Variants in CORO6 observed in about 807,000 individuals in gnomAD.
The protein encoded by CORO6 is coronin-6.
CORO6 carries 43 observed loss-of-function variants against 49.0 expected under a neutral mutation model. The ratio of observed to expected loss-of-function variants is 0.88; its 90% CI spans 0.69 to 1.13. The LOEUF is 1.13. Among genes scored for constraint, CORO6 ranks in the 50% most tolerant of loss-of-function variants. The pLI is 0.00. For missense variants in CORO6, 650 were observed against 647.0 expected (o/e 1.00, Z -0.05); for synonymous variants, 233 against 256.5 (o/e 0.91, Z 0.88).
chr17:29,616,182 G>A lies in CORO6; in HGVS notation c.1063-7C>T. 6.2e-7 allele frequency: 1 copy of A among 1,612,054 alleles called. No individual in the cohort carries two copies. The highest frequency in any genetic ancestry group is 8.5e-7 in the Non-Finnish European group (1 of 1,178,688). ...CGTCCTGGAAGAGGTCTGACTGCGG[G>A]GGTGGGTGGACAGGAGGACTTGCGT... On this transcript the variant is annotated splice_polypyrimidine_tract_variant and splice_region_variant and intron_variant, in intron 9 of 10. Transcript: ENST00000388767. This position sits in a 1 kb window ranked among gnomAD's most constrained non-coding sequence, Gnocchi z 5.6.
intron 6 of CORO6, 38 bp from the exon 7 acceptor site, chr17:29,617,080 C>T (rs747131416): frequency 2.5e-6 from 4 of 1,601,658 alleles, no homozygotes; most frequent in Middle Eastern, 1.7e-4. Context: ...CCCTGCCCCA[C>T]CCTCCCGTGC....
chr17:29,618,653 GA>G (rs1389227013), intron 5 of CORO6, 136 bp downstream of exon 5: 120 of 1,430,538 alleles, frequency 8.4e-5, no homozygotes, highest in Non-Finnish European at 5.6e-5. Flanking sequence ...AGAGACGGGG[GA>G]AGGGGGCTAG....
intron 3 of CORO6, among the ~76,000 whole-genome samples, 193 bp from the exon 4 acceptor site, chr17:29,619,382 G>A (rs1806410572): frequency 6.6e-6 from 1 of 152,072 alleles, no homozygotes; most frequent in South Asian, 2.1e-4. Flanking sequence ...GCTCTCCAGA[G>A]ACCTCCCATT....
At position 29,615,946 on chromosome 17, in the gene CORO6, G is replaced by C; in HGVS notation, c.1292C>G (p.Ser431Trp). The change falls in exon 10 of 11, where the codon TCG becomes TGG. Residue 431 changes from serine to tryptophan, a missense_variant and splice_region_variant. Coordinates refer to ENST00000388767, the MANE Select transcript of CORO6 (RefSeq NM_032854.4). Reference protein sequence around the residue: ...RSQSASDAPLSQQHTLETLLE... With the variant: ...RSQSASDAPLWQQHTLETLLE... ...AGAGTGCAGCAGGGCCGATCTTACCGACAAGGGGGCGTCGCTGGCCGACTG... is the reference window on the plus strand; with the variant it reads ...AGAGTGCAGCAGGGCCGATCTTACCCACAAGGGGGCGTCGCTGGCCGACTG... 1 of 1,579,826 alleles carries C rather than the reference G, an allele frequency of 6.3e-7. No individual in the cohort carries two copies. The highest frequency in any genetic ancestry group is 8.6e-7 in the Non-Finnish European group (1 of 1,161,494).
intron 6 of CORO6, 185 bp downstream of exon 6, chr17:29,617,315 A>G: frequency 6.5e-7 from 1 of 1,527,226 alleles, no homozygotes; most frequent in Non-Finnish European, 8.7e-7. Flanking sequence ...GCGCCAGCGC[A>G]GGATCCTTCA....
intron 3 of CORO6, 100 bp from the exon 4 acceptor site, chr17:29,619,289 GTGGTA>G (rs2035184073): frequency 1.8e-5 from 26 of 1,415,160 alleles, no homozygotes; most frequent in Non-Finnish European, 2.5e-5. Flanking sequence ...GCTCTCTTGA[GTGGTA>G]AGGGTCAAAT....
At chr17:29,619,551 A>T in intron 3 of CORO6, 100 bp downstream of exon 3, 1 of 1,204,500 alleles carries the variant, frequency 8.3e-7, no homozygotes, top group Non-Finnish European at 1.2e-6. Flanking sequence ...GGGACCCAGC[A>T]CCTCCCTTAT....
Position 29,616,386 on chromosome 17 carries a change from T to A in CORO6, c.1005-50A>T. 1.9e-6 allele frequency: 3 copies of A among 1,549,442 alleles called. 1 individual carries two copies. In the South Asian group the frequency reaches 3.5e-5, roughly 18 times the overall value. On this transcript the variant is annotated intron_variant, in intron 8 of 10. Transcript: ENST00000388767. This position sits in a 1 kb window ranked among gnomAD's most constrained non-coding sequence, Gnocchi z 5.6. Reference sequence around the variant, plus strand: ...CCTCGCAGACTTCCACGTCCTTAACTTCTCCTGTCTAAGACCAAGGGGGTT... The same window carrying A: ...CCTCGCAGACTTCCACGTCCTTAACATCTCCTGTCTAAGACCAAGGGGGTT...
In CORO6 at chr17:29,616,055, A is replaced by T. The variant is rs542127255; in HGVS notation, c.1183T>A (p.Tyr395Asn). Residue 395 changes from tyrosine to asparagine, a missense_variant, in exon 10 of 11, where the codon TAT becomes AAT. By Grantham distance (143) the Tyr-to-Asn change is moderately radical (BLOSUM62 -2). Transcript: ENST00000388767. The surrounding 1 kb of genome is among the most constrained non-coding windows in gnomAD (Gnocchi z 5.6). ...AGCTCGCGGTGCTTGGGGGGCACAT[A>T]GCCGTCCCTCAGCGAAATGAGCACG... ...EPVLISLRDG[Y>N]VPPKHRELRV... The T allele has an allele frequency of 3.2e-5, 51 of 1,612,520 alleles. No individual in the cohort carries two copies. Among genetic ancestry groups the T allele is most frequent in the Non-Finnish European group, 4.3e-5 (51 of 1,179,862 alleles).
Position 29,618,894 on chromosome 17 carries a change from C to A in CORO6, c.529G>T (p.Val177Phe), listed in dbSNP as rs762162880. Residue 177 changes from valine (V) to phenylalanine (F), a missense_variant, in exon 5 of 11, where the codon GTC becomes TTC. Transcript: ENST00000388767. ...CTGTTCCAGCACACACTGTGGATGA[C>A]GTCTGGGTGCATATCATCCAGGCTC... is the stretch of plus-strand genomic sequence containing the variant. The part of the protein sequence containing the change: ...LLSLDDMHPD[V>F]IHSVCWNSNG... The A allele has an allele frequency of 1.9e-6, 3 of 1,613,958 alleles. No homozygotes were observed. The highest frequency in any genetic ancestry group is 2.5e-6 in the Non-Finnish European group (3 of 1,179,986).
intron 6 of CORO6, 49 bp downstream of exon 6, chr17:29,617,451 C>G (rs776156815): frequency 7.0e-6 from 11 of 1,572,642 alleles, no homozygotes; most frequent in Non-Finnish European, 8.6e-6. Flanking sequence ...GCCACTCTCC[C>G]GTGATGCCAG....
At position 29,616,132 on chromosome 17, in the gene CORO6, G is replaced by A. The variant is rs201736872; in HGVS notation, c.1106C>T (p.Pro369Leu). ...QDDLYPDTPGPEPALEADEWL... is the reference protein window; with the variant it reads ...QDDLYPDTPGLEPALEADEWL... ...TTCGTCCGCTTCTAGGGCCGGCTCC[G>A]GGCCTGGCGTATCCGGGTACAGATC... is the stretch of plus-strand genomic sequence containing the variant. The change falls in exon 10 of 11, where the codon CCG becomes CTG. Residue 369 changes from proline (P) to leucine (L), a missense_variant. Pro to Leu is a moderately conservative substitution (Grantham distance 98). Transcript: ENST00000388767. This position sits in a 1 kb window ranked among gnomAD's most constrained non-coding sequence, Gnocchi z 5.6. The A allele has an allele frequency of 1.2e-6, 2 of 1,613,358 alleles. No homozygotes were observed. The highest frequency in any genetic ancestry group is 1.3e-5 in the African/African-American group (1 of 74,946).
At chr17:29,622,605 G>C in intron 1 of CORO6, 83 bp downstream of exon 1, 1 of 778,072 alleles carries the variant, frequency 1.3e-6, no homozygotes, top group Non-Finnish European at 1.7e-6. Context: ...CGGCGCGGGG[G>C]GAGGAGGCGC....
At chr17:29,618,609 T>G in intron 5 of CORO6, 181 bp downstream of exon 5, 1 of 1,416,728 alleles carries the variant, frequency 7.1e-7, no homozygotes, top group Non-Finnish European at 9.2e-7. Flanking sequence ...AATTGCAGGC[T>G]GGGGGCTTAC....
chr17:29,619,576 C>A, intron 3 of CORO6, 75 bp downstream of exon 3: 1 of 1,478,332 alleles, frequency 6.8e-7, no homozygotes. Flanking sequence ...ACCCTTAGCA[C>A]CTTCCCCAGC....
chr17:29,617,231 T>G (rs1231186885), intron 6 of CORO6, 189 bp from the exon 7 acceptor site: 1 of 1,536,094 alleles, frequency 6.5e-7, no homozygotes, highest in Non-Finnish European at 8.7e-7. Flanking sequence ...CCTCCTCCCC[T>G]GCACATATAC....
intron 2 of CORO6, among the ~76,000 whole-genome samples, chr17:29,620,936 G>A (rs879422958): frequency 3.3e-5 from 5 of 152,088 alleles, no homozygotes; most frequent in Non-Finnish European, 7.3e-5. Context: ...TGGCTGTGCT[G>A]TGTCCCAACC....
At position 29,616,327 on chromosome 17, in the gene CORO6, C is replaced by T; in HGVS notation, c.1014G>A (p.Lys338=). 3.7e-6 allele frequency: 6 copies of T among 1,605,642 alleles called. No individual in the cohort carries two copies. The highest frequency in any genetic ancestry group is 5.1e-6 in the Non-Finnish European group (6 of 1,175,592). ...VSKCEIARFY[K]LHERKCEPII... ...TAGGTTCACACTTTCTTTCGTGTAG[C>T]TTGTAGAACCTATAAGGGAGCAGGG... The change falls in exon 9 of 11, where the codon AAG becomes AAA. Residue 338 remains lysine, a synonymous_variant. Transcript: ENST00000388767. This position sits in a 1 kb window ranked among gnomAD's most constrained non-coding sequence, Gnocchi z 5.6.
Position 29,615,695 on chromosome 17 carries a change from T to G in CORO6, c.*37A>C. ...AAAAGCCGGGGCGGGGCCGAGCTTG[T>G]GCGCCCCGCCCCGCTCCGCCTGCCT... is the stretch of plus-strand genomic sequence containing the variant. On this transcript the variant is annotated 3_prime_UTR_variant, in exon 11 of 11. Transcript: ENST00000388767. 1 of 1,460,700 alleles carries G rather than the reference T, an allele frequency of 6.8e-7. No individual in the cohort carries two copies. The highest frequency in any genetic ancestry group is 9.0e-7 in the Non-Finnish European group (1 of 1,109,806). The allele number at this position is 1,460,700 out of a possible 1,614,324, so 90.5% of individuals were successfully genotyped here.
Sources: gnomAD v4.1 joint callset for allele counts (sites outside exome capture counted in the v4.1 genomes callset) on GRCh38, gnomAD v4.1.1 for gene constraint, Gnocchi (gnomAD v3.1) non-coding constraint, MANE v1.5 for transcripts, NCBI Gene and HGNC (gene_info 2026-07-23, HGNC 2026-07-21) for gene names.